GHR: variants seen among roughly 807,000 people sequenced by gnomAD.
GHR encodes GH receptor.
GHR carries 35 observed loss-of-function variants against 67.1 expected under a neutral mutation model. The ratio of observed to expected loss-of-function variants is 0.52; its 90% CI spans 0.40 to 0.69. The LOEUF is 0.69. Ranked by LOEUF, GHR falls within the 30% of genes least tolerant of loss-of-function variation. GHR has a pLI of 0.00. For missense variants in GHR, 792 were observed against 764.6 expected, an observed-to-expected ratio of 1.04 and a Z score of -0.42; for synonymous variants, 272 against 269.1, an observed-to-expected ratio of 1.01 and a Z score of -0.10.
rs974473181 is a variant in GHR at position 42,629,489 on chromosome 5, C to T, written c.136+386C>T. ...CCCTTCAATCTCTTGCTCCCACTCT[C>T]GCCCTGTGAGACACCTGCTCCGCTT... is the stretch of plus-strand genomic sequence containing the variant. On this transcript the variant is annotated intron_variant, in intron 3 of 9. Transcript: ENST00000230882. 1.5e-5 allele frequency among the ~76,000 whole-genome samples: 2 copies of T among 131,428 alleles called. 1 individual carries two copies. The highest frequency in any genetic ancestry group is 3.2e-5 in the Non-Finnish European group (2 of 62,328). The allele number at this position is 131,428 out of a possible 152,430, so 86.2% of individuals were successfully genotyped here. A position where few individuals can be genotyped will look rare whatever the true frequency, so the allele number is the denominator to read the frequency against.
intron 1 of GHR, among the ~76,000 whole-genome samples, chr5:42,539,721 C>G (rs1470974134): frequency 6.6e-6 from 1 of 152,148 alleles, no homozygotes; most frequent in African/African-American, 2.4e-5. Flanking sequence ...GTAATGCCTC[C>G]TCTGTTGTAA....
In GHR at chr5:42,603,361, G is replaced by A. The variant is rs183141589; in HGVS notation, c.71-25677G>A. On this transcript the variant is annotated intron_variant, in intron 2 of 9. Transcript: ENST00000230882. ...CTTTGGATTCATCTTACTTGGTGTC[G>A]TTTGGGCTTCCTGGATCTGGATGTT... is the stretch of plus-strand genomic sequence containing the variant. 1.4e-4 allele frequency among the ~76,000 whole-genome samples: 22 copies of A among 152,138 alleles called. No homozygotes were observed. In the East Asian group the frequency reaches 1.5e-3, roughly 11 times the overall value.
intron 3 of GHR, among the ~76,000 whole-genome samples, chr5:42,651,769 T>C (rs76871868): frequency 0.017 from 2,637 of 152,286 alleles, 135 homozygotes; most frequent in South Asian, 0.15. Flanking sequence ...TATATCCCAA[T>C]ATGAGTACTT....
intron 1 of GHR, among the ~76,000 whole-genome samples, chr5:42,464,667 G>C (rs577933734): frequency 6.6e-6 from 1 of 152,094 alleles, no homozygotes; most frequent in East Asian, 1.9e-4. Flanking sequence ...TTTTGTTAAG[G>C]GTATAAAGAG....
chr5:42,687,397 A>G (rs1423754025), intron 3 of GHR, among the ~76,000 whole-genome samples: 1 of 152,260 alleles, frequency 6.6e-6, no homozygotes, highest in Non-Finnish European at 1.5e-5. Flanking sequence ...AGCTGAAGGC[A>G]TCACGCTACC....
At chr5:42,471,993 T>C (rs1445805004) in intron 1 of GHR, among the ~76,000 whole-genome samples, 1 of 152,212 alleles carries the variant, frequency 6.6e-6, no homozygotes, top group Non-Finnish European at 1.5e-5. Context: ...AAGTAACTAA[T>C]GCCTACTTTG....
At chr5:42,545,602 T>C (rs1748701425) in intron 1 of GHR, among the ~76,000 whole-genome samples, 1 of 152,198 alleles carries the variant, frequency 6.6e-6, no homozygotes, top group South Asian at 2.1e-4. Flanking sequence ...TTGATTTAGC[T>C]CATCTTCTTG....
chr5:42,482,459 G>T (rs879903376), intron 1 of GHR, among the ~76,000 whole-genome samples: 1 of 152,194 alleles, frequency 6.6e-6, no homozygotes, highest in Non-Finnish European at 1.5e-5. Flanking sequence ...CTTTTTGTTT[G>T]TCTGTGCCCT....
chr5:42,537,962 T>C (rs1215387794), intron 1 of GHR, among the ~76,000 whole-genome samples: 5 of 152,214 alleles, frequency 3.3e-5, no homozygotes, highest in South Asian at 2.1e-4. Flanking sequence ...TTTTGTCTGA[T>C]ACAAGAATTG....
intron 1 of GHR, among the ~76,000 whole-genome samples, chr5:42,511,604 T>G (rs1440081171): frequency 6.6e-6 from 1 of 152,240 alleles, no homozygotes; most frequent in African/African-American, 2.4e-5. Flanking sequence ...TTGTTTGTTT[T>G]TTGTTTTTGT....
intron 3 of GHR, among the ~76,000 whole-genome samples, chr5:42,665,606 G>A (rs1755920580): frequency 6.6e-6 from 1 of 152,044 alleles, no homozygotes; most frequent in Non-Finnish European, 1.5e-5. Context: ...TGGGGGTGGA[G>A]GAGGGGGAAG....
chr5:42,624,851 A>G (rs997983324), intron 2 of GHR, among the ~76,000 whole-genome samples: 5 of 152,210 alleles, frequency 3.3e-5, no homozygotes, highest in African/African-American at 9.6e-5. Context: ...GAATGGTTCT[A>G]GAAAATAATG....
intron 1 of GHR, chr5:42,550,136 A>G: frequency 1.1e-6 from 1 of 917,432 alleles, no homozygotes; most frequent in Non-Finnish European, 1.3e-6. Flanking sequence ...TCTTCTTGCT[A>G]CTTGAAGTGC....
intron 3 of GHR, among the ~76,000 whole-genome samples, chr5:42,658,314 C>T (rs562615031): frequency 3.9e-5 from 6 of 152,260 alleles, no homozygotes; most frequent in African/African-American, 1.4e-4. Context: ...ATTCACATCC[C>T]AGCTTTGCTA....
chr5:42,670,880 A>AAAAAAAAAAAAAAAAAAAT (rs1554034852), intron 3 of GHR, among the ~76,000 whole-genome samples: 3 of 118,212 alleles, frequency 2.5e-5, no homozygotes, highest in Non-Finnish European at 3.4e-5. Context: ...AAAAAAAAAA[A>AAAAAAAAAAAAAAAAAAAT]ATATATATAT....
intron 1 of GHR, chr5:42,565,536 C>A: frequency 1.0e-6 from 1 of 985,342 alleles, no homozygotes; most frequent in Non-Finnish European, 1.2e-6. Context: ...TTAAAGCAAA[C>A]CTTACTGGCC....
chr5:42,660,950 A>G (rs1338168108), intron 3 of GHR, among the ~76,000 whole-genome samples: 1 of 152,248 alleles, frequency 6.6e-6, no homozygotes, highest in Non-Finnish European at 1.5e-5. Flanking sequence ...CTCAAGAACT[A>G]CATGAAGAAT....
At chr5:42,463,359 C>T (rs1477858208) in intron 1 of GHR, among the ~76,000 whole-genome samples, 1 of 152,132 alleles carries the variant, frequency 6.6e-6, no homozygotes, top group Non-Finnish European at 1.5e-5. Context: ...TTAATACTTG[C>T]ATTGAAAATA....
chr5:42,583,119 A>G (rs1256280484), intron 2 of GHR, among the ~76,000 whole-genome samples: 2 of 152,248 alleles, frequency 1.3e-5, no homozygotes, highest in Non-Finnish European at 2.9e-5. Flanking sequence ...CCAGCTGGAA[A>G]AGCAAGACCT....
Sources: allele counts gnomAD v4.1 joint callset (sites outside exome capture counted in the v4.1 genomes callset), GRCh38; gene constraint gnomAD v4.1.1; transcripts MANE v1.5; gene names NCBI Gene and HGNC (gene_info 2026-07-23, HGNC 2026-07-21).